Variants in AIM2 observed in about 807,000 individuals in gnomAD.
AIM2 encodes absent in melanoma 2, also known as interferon-inducible protein AIM2.
A neutral mutation model predicts 27.7 loss-of-function variants in AIM2; 30 were observed. The observed-to-expected ratio is 1.08, with a 90% confidence interval of 0.81 to 1.47. AIM2 has a LOEUF of 1.47. Among genes scored for constraint, AIM2 ranks in the 40% most tolerant of loss-of-function variants. The probability of loss-of-function intolerance (pLI) is 0.00; values close to 1 mark genes in which losing one functional copy is unlikely to be tolerated. For synonymous variants in AIM2, 141 were observed against 145.3 expected (o/e 0.97, Z 0.21); for missense variants, 358 against 411.3 (o/e 0.87, Z 1.12).
intron 1 of AIM2, among the ~76,000 whole-genome samples, chr1:159,096,130 G>A (rs1471430877): frequency 6.6e-6 from 1 of 152,194 alleles, no homozygotes; most frequent in Non-Finnish European, 1.5e-5. Flanking sequence ...TAAACACAAT[G>A]CTACTGTAGG....
chr1:159,130,585 C>T (rs1325491158), intron 1 of AIM2, among the ~76,000 whole-genome samples: 1 of 152,054 alleles, frequency 6.6e-6, no homozygotes, highest in African/African-American at 2.4e-5. Flanking sequence ...CCTCTTACAG[C>T]TGATTTCCAC....
the AIM2 span, among the ~76,000 whole-genome samples, chr1:159,057,036 C>T: frequency 3.3e-5 from 5 of 152,196 alleles, no homozygotes; most frequent in African/African-American, 1.2e-4. Flanking sequence ...AGCAGGCATC[C>T]CTGGTTCCCG....
At chr1:159,079,872 A>G (rs946905560), upstream of AIM2, among the ~76,000 whole-genome samples, 5 of 152,092 alleles carry the variant, frequency 3.3e-5, no homozygotes, top group African/African-American at 1.2e-4. Context: ...CCTGGCAACC[A>G]CTGATCTTTT....
intron 1 of AIM2, among the ~76,000 whole-genome samples, chr1:159,098,364 C>A (rs911209540): frequency 3.3e-5 from 5 of 152,170 alleles, no homozygotes; most frequent in African/African-American, 1.2e-4. Flanking sequence ...TGCTCTCCAA[C>A]AGTTGCCACT....
At chr1:159,084,403 G>GA (rs1656849621) in intron 1 of AIM2, among the ~76,000 whole-genome samples, 1 of 151,912 alleles carries the variant, frequency 6.6e-6, no homozygotes, top group Non-Finnish European at 1.5e-5. Flanking sequence ...CAACAATCTT[G>GA]AACTGTTCAA....
intron 1 of AIM2, among the ~76,000 whole-genome samples, chr1:159,092,045 G>C (rs1657058350): frequency 6.6e-6 from 1 of 152,164 alleles, no homozygotes; most frequent in African/African-American, 2.4e-5. Context: ...AAATCCTTAG[G>C]TGAGTCATCT....
chr1:159,125,432 T>C (rs993051777), intron 1 of AIM2, among the ~76,000 whole-genome samples: 1 of 152,186 alleles, frequency 6.6e-6, no homozygotes, highest in Non-Finnish European at 1.5e-5. Context: ...TAAATAAACA[T>C]TTATTGAGCC....
At chr1:159,085,422 G>C (rs1656885251) in intron 1 of AIM2, among the ~76,000 whole-genome samples, 1 of 152,188 alleles carries the variant, frequency 6.6e-6, no homozygotes. Context: ...AGGAAAGTAG[G>C]TGAATGATAG....
At chr1:159,083,749 T>C (rs1656836088) in intron 1 of AIM2, among the ~76,000 whole-genome samples, 1 of 152,188 alleles carries the variant, frequency 6.6e-6, no homozygotes, top group African/African-American at 2.4e-5. Flanking sequence ...ATTTCAGAAA[T>C]AGAATTCTTT....
chr1:159,105,488 T>C (rs1446862654), intron 1 of AIM2, among the ~76,000 whole-genome samples: 2 of 152,200 alleles, frequency 1.3e-5, no homozygotes, highest in African/African-American at 4.8e-5. Flanking sequence ...TCTTGCCCCA[T>C]GTCCAGGAAG....
At chr1:159,071,260 G>T (rs1488332989) in intron 2 of AIM2, among the ~76,000 whole-genome samples, 1 of 152,194 alleles carries the variant, frequency 6.6e-6, no homozygotes, top group Non-Finnish European at 1.5e-5. Flanking sequence ...GTCATGAGTA[G>T]AATAGCATAT....
chr1:159,062,830 A>T (rs1655892209), intron 5 of AIM2, 112 bp from the exon 6 acceptor site: 3 of 1,039,098 alleles, frequency 2.9e-6, no homozygotes, highest in Non-Finnish European at 4.4e-6. Context: ...TCATAAAATT[A>T]TTTTGTTCCC....
In AIM2 at chr1:159,084,202, C is replaced by T. The variant is rs538888064; in HGVS notation, c.-15-17873G>A. Among the ~76,000 whole-genome samples, 3 of 152,304 alleles carry T rather than the reference C, an allele frequency of 2.0e-5. No homozygotes were observed. The East Asian group carries it at 5.8e-4, about 29-fold the overall frequency. ...TAAAATTCCAATTCTCTTTCCATCA[C>T]TCTGCCCTGCTTTTTGGCATATTTG... On this transcript the variant is annotated intron_variant, in intron 1 of 2. Transcript: ENST00000368129.
upstream of AIM2, chr1:159,081,198 C>T (rs1043524680): frequency 2.6e-5 from 6 of 231,676 alleles, no homozygotes; most frequent in African/African-American, 1.2e-4. Flanking sequence ...ATATTTGCCC[C>T]CCTTCATTCT....
At chr1:159,077,345 C>G (rs1656648685), upstream of AIM2, among the ~76,000 whole-genome samples, 1 of 152,192 alleles carries the variant, frequency 6.6e-6, no homozygotes, top group African/African-American at 2.4e-5. Context: ...CGGGGTGCCA[C>G]CCTTTTCTTG....
At chr1:159,114,800 C>G (rs1395488219) in intron 1 of AIM2, among the ~76,000 whole-genome samples, 1 of 152,156 alleles carries the variant, frequency 6.6e-6, no homozygotes, top group Non-Finnish European at 1.5e-5. Context: ...TCTCACCACT[C>G]CTATTCAACA....
chr1:159,068,471 G>C, intron 3 of AIM2, 97 bp downstream of exon 3: 1 of 1,451,894 alleles, frequency 6.9e-7, no homozygotes, highest in South Asian at 1.5e-5. Context: ...TCCCTTATTT[G>C]CATGCTGTGA....
At chr1:159,073,157 C>T in intron 2 of AIM2, 81 bp downstream of exon 2, 1 of 1,547,046 alleles carries the variant, frequency 6.5e-7, no homozygotes, top group Non-Finnish European at 8.8e-7. Context: ...CACTGGGGGT[C>T]ATATCCCAGG....
At chr1:159,064,800 A>G (rs552680873) in intron 4 of AIM2, among the ~76,000 whole-genome samples, 2 of 152,330 alleles carry the variant, frequency 1.3e-5, no homozygotes, top group South Asian at 4.1e-4. Context: ...CAGGAGAGAC[A>G]TGAGGTAATG....
Sources: allele counts gnomAD v4.1 joint callset (sites outside exome capture counted in the v4.1 genomes callset), GRCh38; gene constraint gnomAD v4.1.1; transcripts MANE v1.5; gene names NCBI Gene and HGNC (gene_info 2026-07-23, HGNC 2026-07-21).